Variants in NDUFB8 observed in about 807,000 individuals in gnomAD.
The protein encoded by NDUFB8 is NADH dehydrogenase [ubiquinone] 1 beta subcomplex subunit 8, mitochondrial.
In NDUFB8, 17 loss-of-function variants were observed where a neutral mutation model predicts 26.0. The ratio of observed to expected loss-of-function variants is 0.65; its 90% CI spans 0.45 to 0.98. NDUFB8 has a LOEUF of 0.98. Among genes scored for constraint, NDUFB8 ranks in the 50% least tolerant of loss-of-function variants. The pLI is 0.00. For synonymous variants in NDUFB8, 89 were observed against 93.1 expected (o/e 0.96, Z 0.25); for missense variants, 238 against 255.0 (o/e 0.93, Z 0.45).
In NDUFB8 at chr10:100,527,036, T is replaced by C; in HGVS notation, c.251A>G (p.His84Arg). ...CCAGCTATACCATGGATCTCTCTCATGCTGTGAGCGGTCAGGGAGCTTCGG... is the reference window on the plus strand; with the variant it reads ...CCAGCTATACCATGGATCTCTCTCACGCTGTGAGCGGTCAGGGAGCTTCGG... ...DYPKLPDRSQHERDPWYSWDQ... is the reference protein window; with the variant it reads ...DYPKLPDRSQRERDPWYSWDQ... Residue 84 changes from histidine (H) to arginine (R), a missense_variant, in exon 3 of 5, where the codon CAT (histidine) becomes CGT (arginine). By Grantham distance (29) the His-to-Arg change is conservative. Transcript: ENST00000299166. The C allele has an allele frequency of 6.2e-7, 1 of 1,614,204 alleles. No homozygotes were observed. Among genetic ancestry groups the C allele is most frequent in the East Asian group, 2.2e-5 (1 of 44,890 alleles).
At position 100,527,002 on chromosome 10, in the gene NDUFB8, C is replaced by T. The variant is rs140007412; in HGVS notation, c.285G>A (p.Pro95=). The T allele has an allele frequency of 4.3e-5, 70 of 1,614,006 alleles. No individual in the cohort carries two copies. Among genetic ancestry groups the T allele is most frequent in the Middle Eastern group, 3.3e-4 (2 of 6,084 alleles). Residue 95 remains proline (P), a synonymous_variant, in exon 3 of 5, where the codon CCG becomes CCA. Transcript: ENST00000299166. Reference sequence around the variant, plus strand: ...GTTCACCCCAGTTCAACCTCAGGCCCGGCTGGTCCCAGCTATACCATGGAT... The same window carrying T: ...GTTCACCCCAGTTCAACCTCAGGCCTGGCTGGTCCCAGCTATACCATGGAT... The part of the protein sequence containing the change: ...ERDPWYSWDQ[P]GLRLNWGEPM...
In NDUFB8 at chr10:100,524,792, A is replaced by C. The variant is rs1363477686; in HGVS notation, c.469-863T>G. 6.6e-6 allele frequency among the ~76,000 whole-genome samples: 1 copy of C among 152,222 alleles called. No homozygotes were observed. The highest frequency in any genetic ancestry group is 1.5e-5 in the Non-Finnish European group (1 of 68,048). On this transcript the variant is annotated intron_variant, in intron 4 of 4. Transcript: ENST00000299166. This position sits in a 1 kb window ranked among gnomAD's most constrained non-coding sequence, Gnocchi z 4.0. ...CCTGGATTAATCTTCCTAAGAACTCAGCATTCATTATGTCACTTTTCTGTT... is the reference window on the plus strand; with the variant it reads ...CCTGGATTAATCTTCCTAAGAACTCCGCATTCATTATGTCACTTTTCTGTT...
In NDUFB8 at chr10:100,524,426, C is replaced by T. The variant is rs1007919009; in HGVS notation, c.469-497G>A. ...AAGCACAGAGGAGACAAGGCTGGGACGTGCTTTAGGGGCTGCTGGCTTTAC... is the reference window on the plus strand; with the variant it reads ...AAGCACAGAGGAGACAAGGCTGGGATGTGCTTTAGGGGCTGCTGGCTTTAC... On this transcript the variant is annotated intron_variant, in intron 4 of 4. Coordinates refer to ENST00000299166, the MANE Select transcript of NDUFB8 (RefSeq NM_005004.4). This position sits in a 1 kb window ranked among gnomAD's most constrained non-coding sequence, Gnocchi z 4.0. Among the ~76,000 whole-genome samples, 4 of 151,968 alleles carry T rather than the reference C, an allele frequency of 2.6e-5. No homozygotes were observed. The highest frequency in any genetic ancestry group is 7.3e-5 in the African/African-American group (3 of 41,358).
At position 100,527,071 on chromosome 10, in the gene NDUFB8, A is replaced by G; in HGVS notation, c.216T>C (p.Tyr72=). 1 of 1,613,922 alleles carries G rather than the reference A, an allele frequency of 6.2e-7. No individual in the cohort carries two copies. Among genetic ancestry groups the G allele is most frequent in the Middle Eastern group, 1.6e-4 (1 of 6,062 alleles). The part of the protein sequence containing the change: ...YEPYPDDGMG[Y]GDYPKLPDRS... The stretch of plus-strand genomic sequence containing the variant: ...GGTCAGGGAGCTTCGGGTAGTCGCC[A>G]TACCTGAAAGACAGCAAGAACTTCT... Residue 72 remains tyrosine (Y), a synonymous_variant, in exon 3 of 5, where the codon TAT becomes TAC. Coordinates refer to ENST00000299166, the MANE Select transcript of NDUFB8 (RefSeq NM_005004.4).
At position 100,526,966 on chromosome 10, in the gene NDUFB8, T is replaced by G; in HGVS notation, c.312+9A>C. 6.2e-7 allele frequency: 1 copy of G among 1,611,788 alleles called. No homozygotes were observed. The highest frequency in any genetic ancestry group is 8.5e-7 in the Non-Finnish European group (1 of 1,177,908). ...AGAAGGAAGGTCAAATGAGATATGG[T>G]TCTCTTACCGGTTCACCCCAGTTCA... On this transcript the variant is annotated intron_variant, in intron 3 of 4. Coordinates refer to ENST00000299166, the MANE Select transcript of NDUFB8 (RefSeq NM_005004.4).
rs1281408166 is a variant in NDUFB8 at position 100,526,424 on chromosome 10, T to TC, written c.442dup (p.Asp148GlyfsTer18). 6.2e-7 allele frequency: 1 copy of TC among 1,608,754 alleles called. No individual in the cohort carries two copies. The highest frequency in any genetic ancestry group is 8.5e-7 in the Non-Finnish European group (1 of 1,178,656). ...CACAGGCTGGTAGACAGGGTACACG[T>TC]CCCCCACCCAGCACATGAATATCAT... On this transcript the variant is annotated frameshift_variant, in exon 4 of 5. Transcript: ENST00000299166. LOFTEE classifies it high-confidence loss of function.
intron 4 of NDUFB8, among the ~76,000 whole-genome samples, chr10:100,525,188 C>T (rs757190420): frequency 6.6e-6 from 1 of 152,118 alleles, no homozygotes; most frequent in Non-Finnish European, 1.5e-5. Context: ...ACCAATGCAG[C>T]CGGTTATTTA....
At position 100,529,321 on chromosome 10, in the gene NDUFB8, C is replaced by A. The variant is rs1800662; in HGVS notation, c.212+59G>T. On this transcript the variant is annotated intron_variant, in intron 2 of 4. Transcript: ENST00000299166. ...GAAAAAGGGTCACAGTCAAGCCACC[C>A]AACCCAGCCGGCCTTCTCCCATCAC... 0.22 allele frequency: 322,863 copies of A among 1,498,316 alleles called. 35,542 individuals carry two copies. The highest frequency in any genetic ancestry group is 0.23 in the South Asian group (17,009 of 75,506). 92.8% of individuals were successfully genotyped at this position (1,498,316 alleles called of 1,614,324 possible). A position where few individuals can be genotyped will look rare whatever the true frequency, so the allele number is the denominator to read the frequency against.
Position 100,529,386 on chromosome 10 carries a change from C to T in NDUFB8, c.206G>A (p.Gly69Asp), listed in dbSNP as rs1326523429. 20 of 1,608,258 alleles carry T rather than the reference C, an allele frequency of 1.2e-5. No individual in the cohort carries two copies. The highest frequency in any genetic ancestry group is 1.6e-5 in the Non-Finnish European group (19 of 1,178,222). ...VEDYEPYPDD[G>D]MGYGDYPKLP... is the part of the protein sequence containing the mutation. ...CATACCCTCTCTGTCTCACCCCATG[C>T]CATCATCCGGGTAAGGTTCGTAGTC... is the stretch of plus-strand genomic sequence containing the variant. Residue 69 changes from glycine to aspartate, a missense_variant, in exon 2 of 5, where the codon GGC becomes GAC. Physicochemically the swap from Gly to Asp is moderately conservative, Grantham distance 94. Coordinates refer to ENST00000299166, the MANE Select transcript of NDUFB8 (RefSeq NM_005004.4).
chr10:100,527,136 C>T, intron 2 of NDUFB8, 62 bp from the exon 3 acceptor site: 1 of 1,354,312 alleles, frequency 7.4e-7, no homozygotes, highest in Non-Finnish European at 1.1e-6. Context: ...TCAGAGTCTC[C>T]TCATCTTATA....
intron 2 of NDUFB8, among the ~76,000 whole-genome samples, chr10:100,528,499 A>C (rs950316464): frequency 3.3e-5 from 5 of 152,218 alleles, no homozygotes; most frequent in African/African-American, 1.2e-4. Context: ...AGATTAGAAA[A>C]GCACTCTTCT....
At position 100,524,168 on chromosome 10, in the gene NDUFB8, G is replaced by T; in HGVS notation, c.469-239C>A. 1.3e-6 allele frequency: 2 copies of T among 1,518,724 alleles called. No individual in the cohort carries two copies. Among genetic ancestry groups the T allele is most frequent in the Non-Finnish European group, 9.0e-7 (1 of 1,112,688 alleles). The allele number at this position is 1,518,724 out of a possible 1,614,324, so 94.1% of individuals were successfully genotyped here. A position where few individuals can be genotyped will look rare whatever the true frequency, so the allele number is the denominator to read the frequency against. ...TGAGAGAGAAGGAGAAAGGGGGAGG[G>T]AAGGGGGTTAGGGAAAGGAGGGGAA... On this transcript the variant is annotated intron_variant, in intron 4 of 4. Transcript: ENST00000299166. The surrounding 1 kb of genome is among the most constrained non-coding windows in gnomAD (Gnocchi z 4.0).
In NDUFB8 at chr10:100,523,902, G is replaced by C; in HGVS notation, c.496C>G (p.Leu166Val). ...GGATCACCGCCTCGTTCCAGGTACA[G>C]ATTATTGTAAGGATACTGCTTTGGT... The part of the protein sequence containing the change: ...VGPKQYPYNN[L>V]YLERGGDPSK... The change falls in exon 5 of 5, where the codon CTG (leucine) becomes GTG (valine). Residue 166 changes from leucine (L) to valine (V), a missense_variant. Leu to Val is a conservative substitution (Grantham distance 32, BLOSUM62 1). Coordinates refer to ENST00000299166, the MANE Select transcript of NDUFB8 (RefSeq NM_005004.4). 3 of 1,614,164 alleles carry C rather than the reference G, an allele frequency of 1.9e-6. No individual in the cohort carries two copies. Among genetic ancestry groups the C allele is most frequent in the Non-Finnish European group, 2.5e-6 (3 of 1,180,032 alleles).
chr10:100,526,064 T>C (rs1415639477), intron 4 of NDUFB8: 4 of 202,706 alleles, frequency 2.0e-5, no homozygotes, highest in Non-Finnish European at 2.9e-5. Context: ...TCACTCAAGA[T>C]TCCTTAACTC....
intron 1 of NDUFB8, 23 bp downstream of exon 1, chr10:100,529,744 A>G: frequency 1.2e-6 from 2 of 1,608,608 alleles, no homozygotes; most frequent in South Asian, 2.2e-5. Flanking sequence ...TCCCACACTG[A>G]GGTCTCGCCC....
intron 2 of NDUFB8, among the ~76,000 whole-genome samples, chr10:100,527,448 C>A (rs1201155823): frequency 6.6e-6 from 1 of 152,074 alleles, no homozygotes; most frequent in Admixed American, 6.5e-5. Context: ...ACTAAAAATA[C>A]AAAAATTAGC....
At position 100,523,890 on chromosome 10, in the gene NDUFB8, G is replaced by A. The variant is rs761712789; in HGVS notation, c.508C>T (p.Arg170Ter). 24 of 1,613,994 alleles carry A rather than the reference G, an allele frequency of 1.5e-5. No individual in the cohort carries two copies. The Admixed American group carries it at 1.8e-4, about 12-fold the overall frequency. Residue 170 changes from arginine (R) to a stop codon, truncating the protein, a stop_gained, in exon 5 of 5, where the codon CGA (arginine) becomes TGA (stop). Transcript: ENST00000299166. LOFTEE classifies it high-confidence loss of function. ...GGTTCTTTGGAGGGATCACCGCCTCGTTCCAGGTACAGATTATTGTAAGGA... is the reference window on the plus strand; with the variant it reads ...GGTTCTTTGGAGGGATCACCGCCTCATTCCAGGTACAGATTATTGTAAGGA... ...QYPYNNLYLE[R>*]GGDPSKEPER...
intron 2 of NDUFB8, among the ~76,000 whole-genome samples, chr10:100,527,534 TG>T (rs904783930): frequency 2.0e-5 from 3 of 151,962 alleles, no homozygotes; most frequent in African/African-American, 7.3e-5. Context: ...ACCCAAGAAG[TG>T]GAGGTTGCAG....
At chr10:100,525,188 C>G (rs757190420) in intron 4 of NDUFB8, among the ~76,000 whole-genome samples, 1 of 152,118 alleles carries the variant, frequency 6.6e-6, no homozygotes, top group Non-Finnish European at 1.5e-5. Context: ...ACCAATGCAG[C>G]CGGTTATTTA....
Sources: allele counts gnomAD v4.1 joint callset (sites outside exome capture counted in the v4.1 genomes callset), GRCh38; gene constraint gnomAD v4.1.1; non-coding constraint Gnocchi (gnomAD v3.1); transcripts MANE v1.5; gene names NCBI Gene and HGNC (gene_info 2026-07-23, HGNC 2026-07-21).